FSTL5: variants seen among roughly 807,000 people sequenced by gnomAD.
FSTL5 encodes follistatin like 5, also known as follistatin-related protein 5.
In FSTL5, 62 loss-of-function variants were observed where a neutral mutation model predicts 89.1. The ratio of observed to expected loss-of-function variants is 0.70; its 90% CI spans 0.57 to 0.86. FSTL5 has a LOEUF of 0.86. Among genes scored for constraint, FSTL5 ranks in the 40% least tolerant of loss-of-function variants. The pLI is 0.00. For synonymous variants in FSTL5, 383 were observed against 346.2 expected (o/e 1.11, Z -1.18); for missense variants, 1,057 against 1,001.6 (o/e 1.06, Z -0.75).
At chr4:162,146,094 G>C (rs1732974196) in intron 1 of FSTL5, among the ~76,000 whole-genome samples, 1 of 151,906 alleles carries the variant, frequency 6.6e-6, no homozygotes, top group Admixed American at 6.6e-5. Context: ...TTATTTATAT[G>C]CATGATAGTA....
At chr4:161,877,686 C>A (rs958763179) in intron 4 of FSTL5, among the ~76,000 whole-genome samples, 1 of 151,560 alleles carries the variant, frequency 6.6e-6, no homozygotes, top group African/African-American at 2.4e-5. Flanking sequence ...ATTAGCCAGG[C>A]GTTGTGGCGG....
intron 3 of FSTL5, among the ~76,000 whole-genome samples, chr4:161,980,530 C>T (rs1735796797): frequency 6.6e-6 from 1 of 151,878 alleles, no homozygotes; most frequent in Non-Finnish European, 1.5e-5. Flanking sequence ...TCTCTCTCTA[C>T]ATTTTCATAT....
intron 8 of FSTL5, among the ~76,000 whole-genome samples, chr4:161,546,648 T>A (rs1732018228): frequency 6.6e-6 from 1 of 151,910 alleles, no homozygotes; most frequent in Non-Finnish European, 1.5e-5. Flanking sequence ...AACGCAAGCA[T>A]CTAGCAGAAC....
rs138883786 is a variant in FSTL5, at chr4:162,076,433, A to C, written c.126+34838T>G. On this transcript the variant is annotated intron_variant, in intron 2 of 15. Coordinates refer to ENST00000306100, the MANE Select transcript of FSTL5 (RefSeq NM_020116.5). Reference sequence around the variant, plus strand: ...CTGTTTGATTTTCAGTATAAAAAATATAATGTGCATTACATTTATTTAGGT... The same window carrying C: ...CTGTTTGATTTTCAGTATAAAAAATCTAATGTGCATTACATTTATTTAGGT... Among the ~76,000 whole-genome samples the C allele has an allele frequency of 4.6e-4, 70 of 152,054 alleles. 2 individuals are homozygous for C. The East Asian group carries it at 0.01, about 23-fold the overall frequency.
At chr4:161,607,573 G>T (rs1282980763) in intron 7 of FSTL5, among the ~76,000 whole-genome samples, 2 of 152,076 alleles carry the variant, frequency 1.3e-5, no homozygotes, top group Non-Finnish European at 2.9e-5. Flanking sequence ...TGTTTATTGG[G>T]CACCTGTTCT....
intron 3 of FSTL5, among the ~76,000 whole-genome samples, chr4:162,018,902 A>G (rs1736992941): frequency 6.6e-6 from 1 of 152,206 alleles, no homozygotes; most frequent in Non-Finnish European, 1.5e-5. Flanking sequence ...AAACTTTGGA[A>G]ACAATATTAG....
intron 6 of FSTL5, among the ~76,000 whole-genome samples, chr4:161,725,140 G>A (rs1407660185): frequency 6.6e-6 from 1 of 152,058 alleles, no homozygotes; most frequent in Non-Finnish European, 1.5e-5. Context: ...AGGTTGCAGT[G>A]AGCCCAGATC....
intron 15 of FSTL5, among the ~76,000 whole-genome samples, chr4:161,394,981 T>C (rs1036047804): frequency 1.3e-5 from 2 of 152,120 alleles, no homozygotes; most frequent in South Asian, 4.1e-4. Flanking sequence ...TAAGAAGAAA[T>C]AGCCTTTTTG....
chr4:161,605,099 T>G (rs1430382415), intron 7 of FSTL5, among the ~76,000 whole-genome samples: 2 of 152,168 alleles, frequency 1.3e-5, no homozygotes, highest in African/African-American at 4.8e-5. Context: ...TTTTGCTCTG[T>G]ACTCATTTTA....
intron 12 of FSTL5, among the ~76,000 whole-genome samples, chr4:161,488,332 C>T (rs567320579): frequency 1.5e-4 from 23 of 152,164 alleles, no homozygotes; most frequent in Non-Finnish European, 2.6e-4. Context: ...CACATTGACA[C>T]ACTGTTAGGT....
intron 15 of FSTL5, among the ~76,000 whole-genome samples, chr4:161,454,188 A>G (rs1733269715): frequency 6.6e-6 from 1 of 152,238 alleles, no homozygotes; most frequent in African/African-American, 2.4e-5. Context: ...AATGGCTCAT[A>G]TAACATAGCT....
intron 3 of FSTL5, among the ~76,000 whole-genome samples, chr4:161,952,195 A>C (rs946643632): frequency 6.6e-6 from 1 of 152,022 alleles, no homozygotes; most frequent in African/African-American, 2.4e-5. Flanking sequence ...CTTTGATCAG[A>C]CTATCAGCTG....
intron 15 of FSTL5, among the ~76,000 whole-genome samples, chr4:161,440,171 C>T (rs1049289654): frequency 6.6e-6 from 1 of 152,072 alleles, no homozygotes; most frequent in African/African-American, 2.4e-5. Context: ...CCACAAAAGG[C>T]ACTAAAAGTG....
intron 4 of FSTL5, among the ~76,000 whole-genome samples, chr4:161,787,898 C>G (rs1041606857): frequency 1.4e-4 from 21 of 152,054 alleles, no homozygotes; most frequent in African/African-American, 4.8e-4. Context: ...CATTAATTTG[C>G]CTTTTCTCAA....
At chr4:161,729,194 A>G (rs1486899392) in intron 6 of FSTL5, among the ~76,000 whole-genome samples, 1 of 152,228 alleles carries the variant, frequency 6.6e-6, no homozygotes, top group African/African-American at 2.4e-5. Flanking sequence ...AATTCAAGGT[A>G]TCTTTTTTAG....
chr4:161,942,701 C>T (rs932264374), intron 3 of FSTL5, among the ~76,000 whole-genome samples: 1 of 152,054 alleles, frequency 6.6e-6, no homozygotes, highest in African/African-American at 2.4e-5. Flanking sequence ...ACCCTGCAGA[C>T]CAATATTCTT....
At chr4:161,951,922 C>T (rs1734906976) in intron 3 of FSTL5, among the ~76,000 whole-genome samples, 1 of 151,958 alleles carries the variant, frequency 6.6e-6, no homozygotes, top group South Asian at 2.1e-4. Flanking sequence ...AATAGCTTCA[C>T]ATTTTACGAG....
intron 4 of FSTL5, among the ~76,000 whole-genome samples, chr4:161,812,768 C>T (rs1437346792): frequency 6.7e-6 from 1 of 148,480 alleles, no homozygotes; most frequent in Non-Finnish European, 1.5e-5. Flanking sequence ...GTTTGTTATT[C>T]CTTATGCCGC....
chr4:161,867,724 T>C (rs1274253568), intron 4 of FSTL5, among the ~76,000 whole-genome samples: 1 of 151,632 alleles, frequency 6.6e-6, no homozygotes, highest in Non-Finnish European at 1.5e-5. Flanking sequence ...AATAAGACCT[T>C]ATTCTTACCA....
Sources: gnomAD v4.1 joint callset for allele counts (sites outside exome capture counted in the v4.1 genomes callset) on GRCh38, gnomAD v4.1.1 for gene constraint, MANE v1.5 for transcripts, NCBI Gene and HGNC (gene_info 2026-07-23, HGNC 2026-07-21) for gene names.